SQOR: variants seen among roughly 807,000 people sequenced by gnomAD.
SQOR encodes the protein sulfide:quinone oxidoreductase, mitochondrial.
SQOR carries 39 observed loss-of-function variants against 48.6 expected under a neutral mutation model. The observed-to-expected ratio is 0.80, with a 90% CI of 0.62 to 1.05. The LOEUF is 1.05. Ranked by LOEUF, SQOR falls within the 50% of genes least tolerant of loss-of-function variation. SQOR has a pLI of 0.00. For missense variants in SQOR, 561 were observed against 559.9 expected, an observed-to-expected ratio of 1.00 and a Z score of -0.02; for synonymous variants, 220 against 206.2, an observed-to-expected ratio of 1.07 and a Z score of -0.57.
intron 3 of SQOR, among the ~76,000 whole-genome samples, chr15:45,667,937 C>A (rs1347547872): frequency 4.0e-5 from 4 of 99,612 alleles, no homozygotes; most frequent in African/African-American, 6.7e-5. Context: ...TTCTTTCTTT[C>A]TTTCTTTTTT....
intron 6 of SQOR, among the ~76,000 whole-genome samples, chr15:45,679,625 G>T (rs542601978): frequency 6.6e-6 from 1 of 152,296 alleles, no homozygotes; most frequent in East Asian, 1.9e-4. Context: ...GCTTGAACCT[G>T]GGAGGCGGAG....
At chr15:45,684,463 G>A (rs1436052521) in intron 7 of SQOR, among the ~76,000 whole-genome samples, 3 of 152,124 alleles carry the variant, frequency 2.0e-5, no homozygotes, top group Non-Finnish European at 4.4e-5. Flanking sequence ...GTTAGATTCA[G>A]GTTATATGTT....
chr15:45,688,791 G>C (rs1234916446), intron 8 of SQOR, among the ~76,000 whole-genome samples: 1 of 152,100 alleles, frequency 6.6e-6, no homozygotes, highest in Non-Finnish European at 1.5e-5. Flanking sequence ...GGGATTACAG[G>C]TGTGAGCCAC....
chr15:45,635,917 C>T (rs540261331), intron 1 of SQOR, among the ~76,000 whole-genome samples: 2 of 152,166 alleles, frequency 1.3e-5, no homozygotes, highest in South Asian at 4.1e-4. Flanking sequence ...CTCACTGCCA[C>T]CTCCACCTCC....
rs77044037 is a variant in SQOR, at chr15:45,685,963, A to G, written c.1049-2374A>G. ...AAGTGATCCTTCCACTTCAACCCCC[A>G]CCCCCCCACCCAAGTAGCTGGAACT... On this transcript the variant is annotated intron_variant, in intron 7 of 9. Coordinates refer to ENST00000260324, the MANE Select transcript of SQOR (RefSeq NM_021199.4). Among the ~76,000 whole-genome samples the G allele has an allele frequency of 2.2e-3, 112 of 50,814 alleles. 1 individual carries two copies. The highest frequency in any genetic ancestry group is 7.4e-3 in the African/African-American group (107 of 14,434). 33.3% of individuals were successfully genotyped at this position (50,814 alleles called of 152,430 possible).
At chr15:45,645,559 C>G (rs554717493) in intron 1 of SQOR, among the ~76,000 whole-genome samples, 2 of 152,246 alleles carry the variant, frequency 1.3e-5, no homozygotes, top group South Asian at 2.1e-4. Flanking sequence ...CGAACACTCC[C>G]GTGAATGAGA....
intron 1 of SQOR, among the ~76,000 whole-genome samples, chr15:45,640,199 C>T (rs555014278): frequency 1.4e-4 from 21 of 152,328 alleles, no homozygotes; most frequent in Non-Finnish European, 2.1e-4. Flanking sequence ...ATTCACATCT[C>T]TGATCAATCT....
chr15:45,638,784 GC>G (rs1895056198), intron 1 of SQOR, among the ~76,000 whole-genome samples: 1 of 151,800 alleles, frequency 6.6e-6, no homozygotes, highest in African/African-American at 2.4e-5. Context: ...TTAAGGTGGA[GC>G]CCTAATCCAA....
At chr15:45,680,476 A>G (rs1391642852) in intron 6 of SQOR, among the ~76,000 whole-genome samples, 2 of 151,792 alleles carry the variant, frequency 1.3e-5, no homozygotes, top group African/African-American at 4.8e-5. Flanking sequence ...CAGTGGTGCC[A>G]TCTTGGCTCA....
rs185269832 is a variant in SQOR at position 45,677,653 on chromosome 15, G to A, written c.864+1343G>A. Among the ~76,000 whole-genome samples the A allele has an allele frequency of 5.9e-5, 9 of 152,208 alleles. No homozygotes were observed. In the East Asian group the frequency reaches 1.7e-3, roughly 29 times the overall value. On this transcript the variant is annotated intron_variant, in intron 6 of 9. Coordinates refer to ENST00000260324, the MANE Select transcript of SQOR (RefSeq NM_021199.4). ...TTCAGTAGAATGTTCCTCATTTTGA[G>A]TTTGTCAGTGTTTTCTTGTGATTAG...
intron 4 of SQOR, among the ~76,000 whole-genome samples, chr15:45,672,598 C>T (rs1290048930): frequency 6.6e-6 from 1 of 152,114 alleles, no homozygotes; most frequent in African/African-American, 2.4e-5. Context: ...AGGACCAGGC[C>T]ATCTTGATGA....
At chr15:45,658,390 A>G (rs1050070352) in intron 1 of SQOR, among the ~76,000 whole-genome samples, 2 of 152,184 alleles carry the variant, frequency 1.3e-5, no homozygotes, top group Non-Finnish European at 2.9e-5. Context: ...TCTGAGTTGC[A>G]GAAGGTGGGT....
rs1049359025 is a variant in SQOR, at chr15:45,665,608, G to A, written c.405+3483G>A. Among the ~76,000 whole-genome samples the A allele has an allele frequency of 1.5e-3, 224 of 145,858 alleles. 1 individual carries two copies. Among genetic ancestry groups the A allele is most frequent in the African/African-American group, 5.6e-3 (220 of 39,212 alleles). ...TCTTTTTTTTTTTTTTTTGGAGACA[G>A]AGTCTCACTCTTTTGTCCAGGCTGG... On this transcript the variant is annotated intron_variant, in intron 3 of 9. Transcript: ENST00000260324.
rs967025783 is a variant in SQOR at position 45,673,027 on chromosome 15, G to T, written c.460-580G>T. ...CAAGTTCCCAGGTGGTGCTTGTGCT[G>T]CTGGTCTGAGCACCACACTTGGAGA... On this transcript the variant is annotated intron_variant, in intron 4 of 9. Transcript: ENST00000260324. Among the ~76,000 whole-genome samples, 3 of 152,218 alleles carry T rather than the reference G, an allele frequency of 2.0e-5. No homozygotes were observed. The East Asian group carries it at 5.8e-4, about 29-fold the overall frequency.
rs536367875 is a variant in SQOR, at chr15:45,658,821, G to A, written c.-17-86G>A. ...GACCAGCTGGAGCGGGCCAGATGCC[G>A]GCCTCCCTTCCTCCTGGAAAGAAAA... On this transcript the variant is annotated intron_variant, in intron 1 of 9. Coordinates refer to ENST00000260324, the MANE Select transcript of SQOR (RefSeq NM_021199.4). 59 of 1,093,382 alleles carry A rather than the reference G, an allele frequency of 5.4e-5. No individual in the cohort carries two copies. In the African/African-American group the frequency reaches 7.3e-4, roughly 14 times the overall value. 67.7% of individuals were successfully genotyped at this position (1,093,382 alleles called of 1,614,324 possible). A position where few individuals can be genotyped will look rare whatever the true frequency, so the allele number is the denominator to read the frequency against.
chr15:45,651,945 G>A (rs1889500545), intron 1 of SQOR, among the ~76,000 whole-genome samples: 1 of 151,624 alleles, frequency 6.6e-6, no homozygotes, highest in Non-Finnish European at 1.5e-5. Context: ...CTGGAGTGCA[G>A]TGGCATGATC....
At chr15:45,685,973 C>A in intron 7 of SQOR, among the ~76,000 whole-genome samples, 1 of 148,442 alleles carries the variant, frequency 6.7e-6, no homozygotes. Context: ...ACCCCCCCAC[C>A]CAAGTAGCTG....
In SQOR at chr15:45,676,358, C is replaced by T. The variant is rs547264586; in HGVS notation, c.864+48C>T. 542 of 1,579,106 alleles carry T rather than the reference C, an allele frequency of 3.4e-4. 6 individuals are homozygous for T. The South Asian group carries it at 5.6e-3, about 16-fold the overall frequency. ...CAGCATGAAGCGTTGTCTGCTGAAACGTGCCATAGATACATGGGGGCTCAC... is the reference window on the plus strand; with the variant it reads ...CAGCATGAAGCGTTGTCTGCTGAAATGTGCCATAGATACATGGGGGCTCAC... On this transcript the variant is annotated intron_variant, in intron 6 of 9. Transcript: ENST00000260324.
intron 1 of SQOR, among the ~76,000 whole-genome samples, 193 bp from the exon 2 acceptor site, chr15:45,658,714 C>T (rs1451384264): frequency 1.3e-5 from 2 of 152,344 alleles, no homozygotes; most frequent in Middle Eastern, 3.4e-3. Context: ...TAAGTGTAGT[C>T]AACTGATAGC....
Sources: gnomAD v4.1 joint callset for allele counts (sites outside exome capture counted in the v4.1 genomes callset) on GRCh38, gnomAD v4.1.1 for gene constraint, MANE v1.5 for transcripts, NCBI Gene and HGNC (gene_info 2026-07-23, HGNC 2026-07-21) for gene names.